The following ZNF558 variants were observed in gnomAD, a reference collection of about 807,000 sequenced individuals.
ZNF558 encodes the protein zinc finger protein 558.
In ZNF558, 23 loss-of-function variants were observed where a neutral mutation model predicts 37.6. The ratio of observed to expected loss-of-function variants is 0.61; its 90% CI spans 0.44 to 0.87. The LOEUF (loss-of-function observed/expected upper bound fraction) is 0.87. Ranked by LOEUF, ZNF558 falls within the 40% of genes least tolerant of loss-of-function variation. The pLI is 0.00. For synonymous variants in ZNF558, 189 were observed against 174.4 expected, an observed-to-expected ratio of 1.08 and a Z score of -0.66; for missense variants, 429 against 483.7, an observed-to-expected ratio of 0.89 and a Z score of 1.06.
rs371554831 is a variant in ZNF558, at chr19:8,818,636, AAAG to A, written c.247+2541_247+2543del. On this transcript the variant is annotated intron_variant, in intron 7 of 9. Transcript: ENST00000601372. The stretch of plus-strand genomic sequence containing the variant: ...GGATCTTGAACAGACAAGAAGTGAA[AAAG>A]AAGAATAAAGTAGAAAGATTTACAC... 2.0e-4 allele frequency among the ~76,000 whole-genome samples: 31 copies of A among 152,322 alleles called. 1 individual carries two copies. The South Asian group carries it at 5.8e-3, about 29-fold the overall frequency.
At chr19:8,821,797 G>A (rs961213986) in intron 6 of ZNF558, 2 of 1,399,790 alleles carry the variant, frequency 1.4e-6, no homozygotes, top group Non-Finnish European at 9.3e-7. Flanking sequence ...ATGTACTCAG[G>A]GACCCTGGAG....
chr19:8,811,261 C>T lies in ZNF558; in HGVS notation c.*20G>A, dbSNP rs879956556. 1.0e-5 allele frequency: 16 copies of T among 1,536,696 alleles called. No homozygotes were observed. Among genetic ancestry groups the T allele is most frequent in the Non-Finnish European group, 1.2e-5 (14 of 1,144,584 alleles). ...ATGAAAGATCAATGAGTGCTTTCCT[C>T]CAGAAGTTCCTGCAGTAATTCATAT... On this transcript the variant is annotated 3_prime_UTR_variant, in exon 10 of 10. Transcript: ENST00000601372.
intron 2 of ZNF558, among the ~76,000 whole-genome samples, chr19:8,829,794 ATTCC>A (rs1399128969): frequency 6.6e-6 from 1 of 152,228 alleles, no homozygotes; most frequent in Non-Finnish European, 1.5e-5. Flanking sequence ...ATAAGTAAAC[ATTCC>A]TTCAAGAATG....
intron 7 of ZNF558, among the ~76,000 whole-genome samples, chr19:8,816,154 T>A (rs1351026246): frequency 6.6e-6 from 1 of 151,994 alleles, no homozygotes; most frequent in Non-Finnish European, 1.5e-5. Flanking sequence ...GCAGCCTTAA[T>A]CTCCTGGGGT....
chr19:8,833,727 G>A (rs952615729), upstream of ZNF558, among the ~76,000 whole-genome samples: 2 of 151,240 alleles, frequency 1.3e-5, no homozygotes, highest in East Asian at 1.9e-4. Flanking sequence ...GGTGGCTTAC[G>A]CTTGTAATCC....
Position 8,821,259 on chromosome 19 carries a change from C to T in ZNF558, c.168G>A (p.Glu56=). ...TTTGGGCAGGGTCCAGCAACGCCCA[C>T]TCCTCCTGGGTGAACTCCACGGCCA... ...EDVAVEFTQE[E]WALLDPAQRT... is the part of the protein sequence containing the mutation. The change falls in exon 7 of 10, where the codon GAG becomes GAA. Residue 56 remains glutamate (E), a synonymous_variant. Transcript: ENST00000601372. 6.2e-7 allele frequency: 1 copy of T among 1,614,230 alleles called. No individual in the cohort carries two copies. Among genetic ancestry groups the T allele is most frequent in the Non-Finnish European group, 8.5e-7 (1 of 1,180,046 alleles).
chr19:8,834,649 C>G (rs545654518), upstream of ZNF558, among the ~76,000 whole-genome samples: 2 of 138,892 alleles, frequency 1.4e-5, no homozygotes, highest in African/African-American at 5.3e-5. Context: ...AAAAAAAAAA[C>G]CAACCAACCA....
intron 7 of ZNF558, among the ~76,000 whole-genome samples, chr19:8,814,350 C>T (rs955290763): frequency 7.9e-5 from 12 of 152,104 alleles, no homozygotes; most frequent in Admixed American, 7.2e-4. Context: ...ACTCCAAATT[C>T]TTTCAGGACT....
chr19:8,821,604 C>T (rs961099751), intron 6 of ZNF558: 2 of 1,349,996 alleles, frequency 1.5e-6, no homozygotes, highest in Non-Finnish European at 1.9e-6. Flanking sequence ...CTCACTCAGA[C>T]TGGGAGCTCC....
At chr19:8,814,334 T>C (rs1555769522) in intron 7 of ZNF558, among the ~76,000 whole-genome samples, 4 of 152,216 alleles carry the variant, frequency 2.6e-5, no homozygotes, top group Admixed American at 6.5e-5. Context: ...TGTCTTTATT[T>C]ATCTAACTCC....
At chr19:8,834,777 A>G (rs943122313), upstream of ZNF558, among the ~76,000 whole-genome samples, 2 of 152,184 alleles carry the variant, frequency 1.3e-5, no homozygotes, top group African/African-American at 2.4e-5. Flanking sequence ...ACTTCTTGGA[A>G]GAAAACATAG....
intron 2 of ZNF558, among the ~76,000 whole-genome samples, chr19:8,825,314 G>C (rs549117549): frequency 3.3e-4 from 50 of 152,278 alleles, no homozygotes; most frequent in Admixed American, 7.8e-4. Context: ...TAAACTATGT[G>C]ATAGCTTTAA....
At chr19:8,825,567 G>A (rs1197021137) in intron 2 of ZNF558, among the ~76,000 whole-genome samples, 2 of 151,898 alleles carry the variant, frequency 1.3e-5, no homozygotes, top group African/African-American at 2.4e-5. Context: ...TTTATAAGAC[G>A]AGAAAGCCTC....
chr19:8,813,635 G>A (rs1555769274), intron 7 of ZNF558, among the ~76,000 whole-genome samples: 2 of 152,208 alleles, frequency 1.3e-5, no homozygotes, highest in African/African-American at 4.8e-5. Context: ...AAAGTGCTGG[G>A]ATTACAGGCA....
rs557140388 is a variant in ZNF558 at position 8,809,699 on chromosome 19, T to C, written c.*1582A>G. 84 of 152,308 alleles carry C rather than the reference T, an allele frequency of 5.5e-4. No homozygotes were observed. Among genetic ancestry groups the C allele is most frequent in the African/African-American group, 1.9e-3 (79 of 41,562 alleles). The allele number at this position is 152,308 out of a possible 1,614,324, so 9.4% of individuals were successfully genotyped here. Reference sequence around the variant, plus strand: ...AAGCAAATTAATTATAATAAATACATTGCATTAAAATTATGAAATATGTTA... The same window carrying C: ...AAGCAAATTAATTATAATAAATACACTGCATTAAAATTATGAAATATGTTA... On this transcript the variant is annotated 3_prime_UTR_variant, in exon 10 of 10. Coordinates refer to ENST00000601372, the MANE Select transcript of ZNF558 (RefSeq NM_144693.3).
chr19:8,813,790 G>C (rs2043859319), intron 7 of ZNF558, among the ~76,000 whole-genome samples: 1 of 152,206 alleles, frequency 6.6e-6, no homozygotes, highest in Admixed American at 6.5e-5. Flanking sequence ...GAGTTCAAAT[G>C]CACACTTCAG....
chr19:8,820,426 A>C (rs2044054524), intron 7 of ZNF558, among the ~76,000 whole-genome samples: 1 of 152,238 alleles, frequency 6.6e-6, no homozygotes, highest in Non-Finnish European at 1.5e-5. Context: ...ATACAATGGA[A>C]TATCATTCAG....
intron 6 of ZNF558, 162 bp downstream of exon 6, chr19:8,821,841 A>G: frequency 6.8e-7 from 1 of 1,472,064 alleles, no homozygotes; most frequent in Non-Finnish European, 9.0e-7. Context: ...GTTGACACAC[A>G]CTGACATTTT....
chr19:8,822,685 A>G lies in ZNF558; in HGVS notation c.-26T>C, dbSNP rs1363023270. 6.2e-7 allele frequency: 1 copy of G among 1,614,074 alleles called. No individual in the cohort carries two copies. The highest frequency in any genetic ancestry group is 1.7e-5 in the Admixed American group (1 of 60,032). Reference sequence around the variant, plus strand: ...CCTGTGACTCCGACAGCAACAGGGCAGCCGGGAAGCAGGACGCTCCTCCTT... The same window carrying G: ...CCTGTGACTCCGACAGCAACAGGGCGGCCGGGAAGCAGGACGCTCCTCCTT... On this transcript the variant is annotated 5_prime_UTR_variant, in exon 5 of 10. Coordinates refer to ENST00000601372, the MANE Select transcript of ZNF558 (RefSeq NM_144693.3). The surrounding 1 kb of genome is among the most constrained non-coding windows in gnomAD (Gnocchi z 4.4).
Sources: gnomAD v4.1 joint callset for allele counts (sites outside exome capture counted in the v4.1 genomes callset) on GRCh38, gnomAD v4.1.1 for gene constraint, Gnocchi (gnomAD v3.1) non-coding constraint, MANE v1.5 for transcripts, NCBI Gene and HGNC (gene_info 2026-07-23, HGNC 2026-07-21) for gene names.